IRAG1: variants seen among roughly 807,000 people sequenced by gnomAD.
The protein encoded by IRAG1 is IP3R-associated cGMP kinase substrate.
A neutral mutation model predicts 106.2 loss-of-function variants in IRAG1; 62 were observed. The ratio of observed to expected loss-of-function variants is 0.58; its 90% CI spans 0.48 to 0.72. The LOEUF (loss-of-function observed/expected upper bound fraction) is 0.72, where lower values mean the gene tolerates loss of function less well. IRAG1 is among the 30% of genes least tolerant of loss of function. The pLI is 0.00. For synonymous variants in IRAG1, 462 were observed against 443.9 expected, an observed-to-expected ratio of 1.04 and a Z score of -0.51; for missense variants, 1,064 against 1,140.7, an observed-to-expected ratio of 0.93 and a Z score of 0.97.
intron 1 of IRAG1, among the ~76,000 whole-genome samples, chr11:10,672,728 T>G (rs186706623): frequency 6.6e-6 from 1 of 152,314 alleles, no homozygotes; most frequent in Non-Finnish European, 1.5e-5. Flanking sequence ...GGTAGAAATG[T>G]AAAATGGCGT....
intron 15 of IRAG1, 96 bp from the exon 16 acceptor site, chr11:10,594,291 A>T: frequency 3.3e-6 from 4 of 1,212,662 alleles, no homozygotes; most frequent in Non-Finnish European, 4.7e-6. Context: ...ATGGGCCAGA[A>T]CTGGCCCTCA....
chr11:10,654,265 C>A (rs1858750558), intron 1 of IRAG1, among the ~76,000 whole-genome samples: 1 of 152,196 alleles, frequency 6.6e-6, no homozygotes, highest in Non-Finnish European at 1.5e-5. Context: ...CCTCTAGACT[C>A]CTGGACTGAG....
intron 10 of IRAG1, among the ~76,000 whole-genome samples, chr11:10,621,868 T>G (rs1855861143): frequency 6.6e-6 from 1 of 152,166 alleles, no homozygotes; most frequent in African/African-American, 2.4e-5. Context: ...ACAGATACTG[T>G]ATGATTCCAT....
chr11:10,577,858 C>T lies in IRAG1; in HGVS notation c.2496-1283G>A, dbSNP rs147912206. Among the ~76,000 whole-genome samples the T allele has an allele frequency of 9.1e-3, 1,380 of 152,282 alleles. 22 individuals are homozygous for T. The highest frequency in any genetic ancestry group is 0.031 in the African/African-American group (1,299 of 41,554). ...ATTTCAGTCACAATTAAGGAAAGCA[C>T]GAAAGTGAACACATTCGCTGATTTG... is the stretch of plus-strand genomic sequence containing the variant. On this transcript the variant is annotated intron_variant, in intron 20 of 20. Transcript: ENST00000423302.
At chr11:10,578,819 A>G (rs1159708648) in intron 20 of IRAG1, among the ~76,000 whole-genome samples, 1 of 151,406 alleles carries the variant, frequency 6.6e-6, no homozygotes, top group African/African-American at 2.4e-5. Flanking sequence ...TTGCTTTGCA[A>G]ACCAGACTGT....
chr11:10,659,287 A>AC lies in IRAG1; in HGVS notation c.68-7106dup, dbSNP rs1859213742. 1.3e-5 allele frequency among the ~76,000 whole-genome samples: 2 copies of AC among 152,188 alleles called. No individual in the cohort carries two copies. The highest frequency in any genetic ancestry group is 4.2e-4 in the South Asian group (2 of 4,814). On this transcript the variant is annotated intron_variant, in intron 1 of 20. Coordinates refer to ENST00000423302, the MANE Select transcript of IRAG1 (RefSeq NM_130385.4). This position sits in a 1 kb window ranked among gnomAD's most constrained non-coding sequence, Gnocchi z 4.1. The stretch of plus-strand genomic sequence containing the variant: ...GTGAGTGACTGAAGGGGGTACAGCC[A>AC]CCCCCCAGTGTGTGGTGGAAGCCCC...
intron 10 of IRAG1, among the ~76,000 whole-genome samples, chr11:10,619,451 C>T (rs1203763218): frequency 1.3e-5 from 2 of 152,156 alleles, no homozygotes; most frequent in Non-Finnish European, 2.9e-5. Context: ...GCCTTTTATC[C>T]TGGGTATGGG....
At chr11:10,658,765 G>A (rs1328343205) in intron 1 of IRAG1, among the ~76,000 whole-genome samples, 1 of 150,994 alleles carries the variant, frequency 6.6e-6, no homozygotes, top group African/African-American at 2.4e-5. Context: ...GTCAGTCCCA[G>A]GTCCGTGCTG....
At position 10,635,882 on chromosome 11, in the gene IRAG1, T is replaced by C. The variant is rs375398684; in HGVS notation, c.226-1811A>G. Among the ~76,000 whole-genome samples the C allele has an allele frequency of 1.9e-4, 28 of 151,116 alleles. No homozygotes were observed. The South Asian group carries it at 3.3e-3, about 18-fold the overall frequency. The stretch of plus-strand genomic sequence containing the variant: ...AGCCAGATCCTTGAGGAGATGTTCA[T>C]TGGGCTCTGTGTTCTTATCCGGGAG... On this transcript the variant is annotated intron_variant, in intron 2 of 20. Transcript: ENST00000423302.
At chr11:10,669,385 A>C (rs1260168193) in intron 1 of IRAG1, among the ~76,000 whole-genome samples, 1 of 152,178 alleles carries the variant, frequency 6.6e-6, no homozygotes, top group Non-Finnish European at 1.5e-5. Context: ...AGCCAGAGGG[A>C]TGAACCAACT....
At chr11:10,621,231 CTG>C (rs1324904865) in intron 10 of IRAG1, among the ~76,000 whole-genome samples, 3 of 152,120 alleles carry the variant, frequency 2.0e-5, no homozygotes, top group Admixed American at 2.0e-4. Context: ...GGAAAAAACA[CTG>C]TTTGAAATTT....
At chr11:10,608,934 G>C (rs1854708643) in intron 11 of IRAG1, among the ~76,000 whole-genome samples, 1 of 152,114 alleles carries the variant, frequency 6.6e-6, no homozygotes, top group South Asian at 2.1e-4. Flanking sequence ...TTTCTTTGAA[G>C]AGTCTTATAG....
intron 4 of IRAG1, among the ~76,000 whole-genome samples, chr11:10,631,385 C>T (rs1856677865): frequency 6.6e-6 from 1 of 152,240 alleles, no homozygotes; most frequent in Non-Finnish European, 1.5e-5. Context: ...TAAGGCACAA[C>T]TCAAATGCCA....
intron 16 of IRAG1, chr11:10,593,867 G>A: frequency 1.7e-6 from 1 of 573,408 alleles, no homozygotes; most frequent in Non-Finnish European, 3.1e-6. Flanking sequence ...CACAGTCTCT[G>A]GGTAACACCC....
At chr11:10,633,272 T>C (rs993182207) in intron 3 of IRAG1, among the ~76,000 whole-genome samples, 1 of 152,142 alleles carries the variant, frequency 6.6e-6, no homozygotes, top group Non-Finnish European at 1.5e-5. Flanking sequence ...AGACGTGGTT[T>C]CACTGTGTTA....
At chr11:10,685,672 T>C (rs12421328) in intron 1 of IRAG1, among the ~76,000 whole-genome samples, 3,358 of 149,732 alleles carry the variant, frequency 0.022, 52 homozygotes, top group Middle Eastern at 0.041. Context: ...AAGTCAGCTG[T>C]GACTATACCA....
intron 1 of IRAG1, among the ~76,000 whole-genome samples, chr11:10,680,414 GGAAA>G (rs145011907): frequency 0.026 from 1,334 of 51,466 alleles, 39 homozygotes; most frequent in African/African-American, 0.12. Context: ...GGAAAGAAAG[GGAAA>G]GAAAGAAAGA....
At chr11:10,653,447 G>C (rs1333323565) in intron 1 of IRAG1, among the ~76,000 whole-genome samples, 1 of 152,206 alleles carries the variant, frequency 6.6e-6, no homozygotes, top group Admixed American at 6.5e-5. Context: ...AGATGCCTAG[G>C]AGTATGATCC....
At chr11:10,599,427 C>G (rs1198127211) in intron 15 of IRAG1, among the ~76,000 whole-genome samples, 1 of 152,154 alleles carries the variant, frequency 6.6e-6, no homozygotes, top group African/African-American at 2.4e-5. Flanking sequence ...CATTAGGATT[C>G]CTTTGGCGGC....
Sources: allele counts gnomAD v4.1 joint callset (sites outside exome capture counted in the v4.1 genomes callset), GRCh38; gene constraint gnomAD v4.1.1; non-coding constraint Gnocchi (gnomAD v3.1); transcripts MANE v1.5; gene names NCBI Gene and HGNC (gene_info 2026-07-23, HGNC 2026-07-21).